The following FBXW8 variants were observed in gnomAD, a reference collection of about 807,000 sequenced individuals.
FBXW8 encodes the protein F-box/WD repeat-containing protein 8.
FBXW8 carries 57 observed loss-of-function variants against 65.3 expected under a neutral mutation model. The observed-to-expected ratio is 0.87, with a 90% confidence interval of 0.71 to 1.09. The LOEUF (loss-of-function observed/expected upper bound fraction) is 1.09. Ranked by LOEUF, FBXW8 falls within the 50% of genes least tolerant of loss-of-function variation. The pLI, the probability that FBXW8 is intolerant of heterozygous loss-of-function variation, is 0.00. For missense variants in FBXW8, 777 were observed against 814.8 expected (o/e 0.95, Z 0.57); for synonymous variants, 308 against 330.2 (o/e 0.93, Z 0.73).
At chr12:116,920,673 C>T (rs1221895299) in intron 1 of FBXW8, among the ~76,000 whole-genome samples, 1 of 152,034 alleles carries the variant, frequency 6.6e-6, no homozygotes, top group Admixed American at 6.5e-5. Context: ...GATTCTAGGC[C>T]AAGACGGGCA....
intron 5 of FBXW8, among the ~76,000 whole-genome samples, chr12:116,979,965 G>A (rs538489224): frequency 2.6e-5 from 4 of 152,226 alleles, no homozygotes; most frequent in South Asian, 2.1e-4. Flanking sequence ...GCCCTCTCCA[G>A]GTGGGCATGT....
chr12:117,008,963 A>G (rs1458170298), intron 7 of FBXW8, among the ~76,000 whole-genome samples: 1 of 152,170 alleles, frequency 6.6e-6, no homozygotes, highest in Non-Finnish European at 1.5e-5. Context: ...CCTACTCAGG[A>G]GGCTGAGGCA....
At chr12:116,942,131 C>A (rs927979440) in intron 2 of FBXW8, among the ~76,000 whole-genome samples, 30 of 152,024 alleles carry the variant, frequency 2.0e-4, no homozygotes, top group African/African-American at 7.2e-4. Context: ...TGGACTGAAG[C>A]AATCCTCCTG....
chr12:116,913,723 T>C (rs1880181935), intron 1 of FBXW8, among the ~76,000 whole-genome samples: 1 of 152,120 alleles, frequency 6.6e-6, no homozygotes, highest in African/African-American at 2.4e-5. Context: ...GGAAAAAACC[T>C]GCATACAAGT....
chr12:116,966,272 A>G (rs958730229), intron 5 of FBXW8, among the ~76,000 whole-genome samples: 14 of 152,186 alleles, frequency 9.2e-5, no homozygotes, highest in African/African-American at 3.4e-4. Context: ...CAAATTATCA[A>G]TGAGTTTTGT....
At chr12:116,941,237 C>G (rs1882544681) in intron 2 of FBXW8, among the ~76,000 whole-genome samples, 1 of 152,196 alleles carries the variant, frequency 6.6e-6, no homozygotes, top group South Asian at 2.1e-4. Flanking sequence ...GGGGTGCCTT[C>G]TTGCAATGAG....
intron 8 of FBXW8, among the ~76,000 whole-genome samples, chr12:117,013,766 A>T (rs897094859): frequency 2.6e-5 from 4 of 151,660 alleles, no homozygotes; most frequent in Admixed American, 2.0e-4. Context: ...ATTTTTTATT[A>T]TCATCAGTGG....
chr12:117,028,052 T>A lies in FBXW8; in HGVS notation c.1677T>A (p.Tyr559Ter), dbSNP rs4529958. ...GACACCGGGGGCTGATCCGCGCCTA[T>A]GAGTTTGCGGTGGACCAGCTGGCCT... ...HRRHRGLIRA[Y>*]EFAVDQLAFQ... Residue 559 changes from tyrosine (Y) to a stop codon, truncating the protein, a stop_gained, in exon 11 of 11, where the codon TAT becomes TAA. Transcript: ENST00000652555. LOFTEE classifies it low-confidence loss of function (END_TRUNC). The surrounding 1 kb of genome is among the most constrained non-coding windows in gnomAD (Gnocchi z 4.1). 2 of 1,613,898 alleles carry A rather than the reference T, an allele frequency of 1.2e-6. No homozygotes were observed. The highest frequency in any genetic ancestry group is 1.7e-5 in the Admixed American group (1 of 60,014).
chr12:116,929,055 C>T (rs1881564087), intron 2 of FBXW8, among the ~76,000 whole-genome samples: 1 of 152,190 alleles, frequency 6.6e-6, no homozygotes. Flanking sequence ...ATCTGCCCGC[C>T]TTGGCCTCTC....
intron 7 of FBXW8, among the ~76,000 whole-genome samples, chr12:117,001,991 G>C (rs1197530964): frequency 6.6e-6 from 1 of 152,236 alleles, no homozygotes; most frequent in Admixed American, 6.5e-5. Flanking sequence ...CTGAGAGAGA[G>C]AGATTGGCCG....
At chr12:117,014,366 T>C (rs1461467822) in intron 8 of FBXW8, among the ~76,000 whole-genome samples, 1 of 152,236 alleles carries the variant, frequency 6.6e-6, no homozygotes, top group Non-Finnish European at 1.5e-5. Flanking sequence ...TCGTGGAATA[T>C]AGCTACAACA....
intron 7 of FBXW8, among the ~76,000 whole-genome samples, chr12:116,991,905 A>G (rs1953249311): frequency 6.6e-6 from 1 of 152,224 alleles, no homozygotes; most frequent in African/African-American, 2.4e-5. Flanking sequence ...TATGATGCCC[A>G]CATTAGCATG....
At chr12:116,998,875 T>C (rs1231548781) in intron 7 of FBXW8, among the ~76,000 whole-genome samples, 1 of 152,258 alleles carries the variant, frequency 6.6e-6, no homozygotes, top group Non-Finnish European at 1.5e-5. Context: ...TCTGAATATT[T>C]AAAACATTTT....
At chr12:116,937,853 C>CTTTT (rs11429387) in intron 2 of FBXW8, among the ~76,000 whole-genome samples, 1 of 147,154 alleles carries the variant, frequency 6.8e-6, no homozygotes, top group Non-Finnish European at 1.5e-5. Flanking sequence ...GAGCCAACAG[C>CTTTT]TTTTTTTTTT....
At chr12:116,949,594 T>C in intron 3 of FBXW8, 24 bp from the exon 4 acceptor site, 2 of 1,612,400 alleles carry the variant, frequency 1.2e-6, no homozygotes, top group Non-Finnish European at 1.7e-6. Flanking sequence ...CAGTCTAAAC[T>C]GCATCCCCCT....
intron 7 of FBXW8, among the ~76,000 whole-genome samples, chr12:116,998,543 G>T (rs1257443346): frequency 2.6e-5 from 4 of 152,226 alleles, no homozygotes; most frequent in Non-Finnish European, 4.4e-5. Context: ...CCATGGAAGA[G>T]AATGAACTTA....
chr12:116,975,574 A>G (rs1212080742), intron 5 of FBXW8, among the ~76,000 whole-genome samples: 1 of 152,236 alleles, frequency 6.6e-6, no homozygotes, highest in Admixed American at 6.5e-5. Flanking sequence ...CATGGTGTGA[A>G]ATTATCACTC....
At position 117,021,978 on chromosome 12, in the gene FBXW8, A is replaced by G. The variant is rs1397164707; in HGVS notation, c.1368-2169A>G. ...AGTCTGTTCCTGATGTTTCACTCGGATATGTAGTTTTCTTTGATCATGCTC... is the reference window on the plus strand; with the variant it reads ...AGTCTGTTCCTGATGTTTCACTCGGGTATGTAGTTTTCTTTGATCATGCTC... On this transcript the variant is annotated intron_variant, in intron 8 of 10. Transcript: ENST00000652555. 2.0e-5 allele frequency among the ~76,000 whole-genome samples: 3 copies of G among 151,978 alleles called. No homozygotes were observed. The East Asian group carries it at 5.8e-4, about 29-fold the overall frequency.
rs191467402 is a variant in FBXW8, at chr12:116,964,264, G to A, written c.678-433G>A. Among the ~76,000 whole-genome samples the A allele has an allele frequency of 7.2e-4, 109 of 152,354 alleles. 1 individual carries two copies. Among genetic ancestry groups the A allele is most frequent in the Middle Eastern group, 6.8e-3 (2 of 294 alleles). Reference sequence around the variant, plus strand: ...GGTATTAGAAAGCCTGTGCCTGTGAGACCATTAGTTCTGAGTATCCCTGCA... The same window carrying A: ...GGTATTAGAAAGCCTGTGCCTGTGAAACCATTAGTTCTGAGTATCCCTGCA... On this transcript the variant is annotated intron_variant, in intron 4 of 10. Coordinates refer to ENST00000652555, the MANE Select transcript of FBXW8 (RefSeq NM_153348.3).
Sources: gnomAD v4.1 joint callset for allele counts (sites outside exome capture counted in the v4.1 genomes callset) on GRCh38, gnomAD v4.1.1 for gene constraint, Gnocchi (gnomAD v3.1) non-coding constraint, MANE v1.5 for transcripts, NCBI Gene and HGNC (gene_info 2026-07-23, HGNC 2026-07-21) for gene names.